The following TTC3 variants were observed in gnomAD, a reference collection of about 807,000 sequenced individuals.
The protein encoded by TTC3 is tetratricopeptide repeat domain 3.
A neutral mutation model predicts 249.6 loss-of-function variants in TTC3; 180 were observed. That is an observed-to-expected ratio of 0.72 (90% CI 0.64 to 0.82). The LOEUF (loss-of-function observed/expected upper bound fraction) is 0.82. TTC3 is among the 40% of genes least tolerant of loss of function. The pLI, the probability that TTC3 is intolerant of heterozygous loss-of-function variation, is 0.00. For missense variants in TTC3, 2,061 were observed against 2,398.4 expected (o/e 0.86, Z 2.94); for synonymous variants, 717 against 805.0 (o/e 0.89, Z 1.85).
At chr21:37,192,737 T>C (rs2084330870) in intron 41 of TTC3, among the ~76,000 whole-genome samples, 1 of 152,254 alleles carries the variant, frequency 6.6e-6, no homozygotes, top group Admixed American at 6.5e-5. Flanking sequence ...CAGGGCTTTG[T>C]TGGTCCGGCA....
intron 42 of TTC3, among the ~76,000 whole-genome samples, chr21:37,196,305 C>T (rs1055451106): frequency 4.1e-5 from 6 of 147,306 alleles, no homozygotes; most frequent in African/African-American, 1.0e-4. Context: ...GGCACAGTCT[C>T]GGCTCCCTGC....
At chr21:37,201,735 C>T (rs1220450837) in exon 46 of TTC3, 23 of 933,440 alleles carry the variant, frequency 2.5e-5, no homozygotes, top group Non-Finnish European at 3.6e-5. Context: ...AAGTAATTTC[C>T]CCACTCTGAG....
intron 13 of TTC3, among the ~76,000 whole-genome samples, chr21:37,123,995 C>G (rs540726082): frequency 6.6e-6 from 1 of 151,820 alleles, no homozygotes; most frequent in Non-Finnish European, 1.5e-5. Flanking sequence ...GTGATCCGCT[C>G]GCCTTGGCCT....
chr21:37,177,052 G>A (rs2082343821), intron 35 of TTC3, among the ~76,000 whole-genome samples: 1 of 152,092 alleles, frequency 6.6e-6, no homozygotes, highest in Non-Finnish European at 1.5e-5. Context: ...CTTGGGCTCG[G>A]CTGGGTCAGT....
intron 8 of TTC3, among the ~76,000 whole-genome samples, chr21:37,094,739 C>A (rs1022949858): frequency 6.6e-6 from 1 of 152,144 alleles, no homozygotes; most frequent in Admixed American, 6.5e-5. Context: ...CCAAATACCG[C>A]ACAAAATTTT....
chr21:37,080,368 A>AT (rs33918132), intron 1 of TTC3, among the ~76,000 whole-genome samples: 2,970 of 144,510 alleles, frequency 0.021, 96 homozygotes, highest in African/African-American at 0.071. Flanking sequence ...TCTTTTTAGC[A>AT]TTTTTTTTTT....
intron 11 of TTC3, among the ~76,000 whole-genome samples, chr21:37,116,922 T>C (rs2076190373): frequency 6.6e-6 from 1 of 152,166 alleles, no homozygotes; most frequent in Non-Finnish European, 1.5e-5. Context: ...TAAAAAAAGC[T>C]AGTGCAAGTA....
At chr21:37,075,375 G>A (rs1465496703) in intron 1 of TTC3, among the ~76,000 whole-genome samples, 2 of 152,088 alleles carry the variant, frequency 1.3e-5, no homozygotes, top group African/African-American at 4.8e-5. Flanking sequence ...AAATATCTTT[G>A]TACTTGTCTG....
chr21:37,182,744 T>C, intron 35 of TTC3, 30 bp from the exon 36 acceptor site: 1 of 1,546,292 alleles, frequency 6.5e-7, no homozygotes, highest in Non-Finnish European at 8.7e-7. Flanking sequence ...TATTTTGCCA[T>C]TTATTTAAGT....
intron 38 of TTC3, chr21:37,188,274 A>G: frequency 2.3e-6 from 1 of 439,182 alleles, no homozygotes; most frequent in Non-Finnish European, 4.2e-6. Context: ...TATCTGCAAA[A>G]AGGATCATGG....
chr21:37,080,577 A>G (rs1051079730), intron 1 of TTC3, among the ~76,000 whole-genome samples: 1 of 152,166 alleles, frequency 6.6e-6, no homozygotes. Context: ...ATATTCCACC[A>G]TTACTAGTTT....
rs1478914928 is a variant in TTC3 at position 37,078,757 on chromosome 21, G to A, written c.-12+5393G>A. 2.0e-5 allele frequency among the ~76,000 whole-genome samples: 3 copies of A among 152,108 alleles called. No homozygotes were observed. The East Asian group carries it at 5.8e-4, about 29-fold the overall frequency. The stretch of plus-strand genomic sequence containing the variant: ...TCATTTGCAAATAGTGACAGTTTTA[G>A]TTCTTCTAGTTATTTTTGCTTTTAA... On this transcript the variant is annotated intron_variant, in intron 1 of 45. Transcript: ENST00000355666.
intron 42 of TTC3, among the ~76,000 whole-genome samples, 154 bp from the exon 43 acceptor site, chr21:37,197,416 G>C (rs887902855): frequency 5.9e-5 from 9 of 151,882 alleles, no homozygotes; most frequent in Admixed American, 5.3e-4. Context: ...ATGCTTTTTA[G>C]ATAGTTATTG....
intron 22 of TTC3, 79 bp from the exon 23 acceptor site, chr21:37,148,467 T>G (rs2079169147): frequency 4.8e-6 from 3 of 621,750 alleles, no homozygotes; most frequent in Non-Finnish European, 7.9e-6. Context: ...AAGCTCTCTC[T>G]GTCTTTATGT....
rs539664471 is a variant in TTC3 at position 37,176,657 on chromosome 21, C to T, written c.4617+3913C>T. Reference sequence around the variant, plus strand: ...TTTATGAAGCTCCTACTATGTGCCACACTCAATTGTTTTTACATGTATTTA... The same window carrying T: ...TTTATGAAGCTCCTACTATGTGCCATACTCAATTGTTTTTACATGTATTTA... On this transcript the variant is annotated intron_variant, in intron 35 of 45. Coordinates refer to ENST00000355666, the Ensembl canonical transcript of TTC3. Among the ~76,000 whole-genome samples the T allele has an allele frequency of 1.5e-3, 222 of 152,324 alleles. 2 individuals carry two copies. Among genetic ancestry groups the T allele is most frequent in the African/African-American group, 4.9e-3 (203 of 41,572 alleles).
At chr21:37,086,088 A>G (rs1183982819) in intron 1 of TTC3, 1 of 152,244 alleles carries the variant, frequency 6.6e-6, no homozygotes, top group Non-Finnish European at 1.5e-5. Flanking sequence ...ACATAGTACA[A>G]ATAGTTTGCT....
chr21:37,166,751 C>T (rs1387471806), intron 33 of TTC3, 136 bp downstream of exon 33: 2 of 1,392,262 alleles, frequency 1.4e-6, no homozygotes, highest in East Asian at 2.5e-5. Context: ...CCTGAAAATA[C>T]TTTTAAAATA....
rs571797857 is a variant in TTC3 at position 37,114,270 on chromosome 21, A to C, written c.900+5824A>C. The stretch of plus-strand genomic sequence containing the variant: ...ACAGGCAACCTACAAAATGGGAGAA[A>C]ATTTTTGCAACCTACTCATCTGACA... On this transcript the variant is annotated intron_variant, in intron 11 of 45. Transcript: ENST00000355666. Among the ~76,000 whole-genome samples, 3 of 152,190 alleles carry C rather than the reference A, an allele frequency of 2.0e-5. No individual in the cohort carries two copies. The South Asian group carries it at 6.2e-4, about 32-fold the overall frequency.
intron 27 of TTC3, among the ~76,000 whole-genome samples, chr21:37,154,727 G>A (rs939522752): frequency 4.6e-5 from 7 of 151,994 alleles, no homozygotes; most frequent in Non-Finnish European, 7.4e-5. Context: ...ACAGAGTGTC[G>A]CTCTGTTGCC....
Sources: gnomAD v4.1 joint callset for allele counts (sites outside exome capture counted in the v4.1 genomes callset) on GRCh38, gnomAD v4.1.1 for gene constraint, MANE v1.5 for transcripts, NCBI Gene and HGNC (gene_info 2026-07-23, HGNC 2026-07-21) for gene names.